The following TNRC6A variants were observed in gnomAD, a reference collection of about 807,000 sequenced individuals.
TNRC6A encodes trinucleotide repeat containing adaptor 6A.
A neutral mutation model predicts 221.2 loss-of-function variants in TNRC6A; 44 were observed. The ratio of observed to expected loss-of-function variants is 0.20; its 90% CI spans 0.16 to 0.26. The LOEUF is 0.26. Ranked by LOEUF, TNRC6A falls within the 10% of genes least tolerant of loss-of-function variation. TNRC6A has a pLI of 1.00. For missense variants in TNRC6A, 2,199 were observed against 2,404.4 expected, an observed-to-expected ratio of 0.91 and a Z score of 1.79; for synonymous variants, 847 against 838.5, an observed-to-expected ratio of 1.01 and a Z score of -0.18.
intron 1 of TNRC6A, among the ~76,000 whole-genome samples, chr16:24,627,344 CA>C (rs748713120): frequency 2.0e-5 from 3 of 152,072 alleles, no homozygotes; most frequent in Non-Finnish European, 2.9e-5. Flanking sequence ...CTTCCCCAAG[CA>C]AATTATTTAT....
At chr16:24,716,678 G>A (rs553351954) in intron 2 of TNRC6A, among the ~76,000 whole-genome samples, 18 of 152,066 alleles carry the variant, frequency 1.2e-4, no homozygotes, top group Non-Finnish European at 1.6e-4. Flanking sequence ...AGAAAAAAAA[G>A]TCTGGGCATG....
At chr16:24,707,716 A>G (rs66922154) in intron 2 of TNRC6A, among the ~76,000 whole-genome samples, 39,165 of 152,184 alleles carry the variant, frequency 0.26, 8,333 homozygotes, top group East Asian at 0.72. Context: ...ACTAGTGACT[A>G]AAGACATACA....
chr16:24,726,362 C>CA (rs58809989), upstream of TNRC6A, among the ~76,000 whole-genome samples: 13,108 of 134,480 alleles, frequency 0.097, 1,090 homozygotes, highest in African/African-American at 0.22. Flanking sequence ...CAAAAGATAC[C>CA]AAAAAAAAAA....
chr16:24,815,324 C>T lies in TNRC6A; in HGVS notation c.4831+19C>T. On this transcript the variant is annotated intron_variant, in intron 19 of 24. Transcript: ENST00000395799. ...CCACCAGGTAAAATTTTTTCTAACA[C>T]TTTCTTTCATGAGACTGTGTTTCCA... 6.2e-7 allele frequency: 1 copy of T among 1,613,288 alleles called. No individual in the cohort carries two copies. Among genetic ancestry groups the T allele is most frequent in the Non-Finnish European group, 8.5e-7 (1 of 1,179,428 alleles).
chr16:24,713,850 T>C (rs1222219777), intron 2 of TNRC6A, among the ~76,000 whole-genome samples: 3 of 152,210 alleles, frequency 2.0e-5, no homozygotes, highest in Non-Finnish European at 4.4e-5. Flanking sequence ...TTCGCCATGT[T>C]GGCCAGGCTG....
At chr16:24,814,674 A>C (rs538942205) in intron 18 of TNRC6A, among the ~76,000 whole-genome samples, 16 of 151,872 alleles carry the variant, frequency 1.1e-4, no homozygotes, top group Admixed American at 8.5e-4. Flanking sequence ...CAGCCTCCCA[A>C]AGTGCTGGGA....
intron 2 of TNRC6A, among the ~76,000 whole-genome samples, chr16:24,735,530 T>C (rs113460476): frequency 9.2e-5 from 14 of 152,352 alleles, no homozygotes; most frequent in African/African-American, 2.4e-4. Context: ...CAACCCAATA[T>C]GCTTTTTTTC....
intron 2 of TNRC6A, among the ~76,000 whole-genome samples, chr16:24,665,389 A>G (rs1476234818): frequency 6.6e-6 from 1 of 152,118 alleles, no homozygotes; most frequent in East Asian, 1.9e-4. Context: ...AAGAATTGGT[A>G]AATGGCCCCA....
At chr16:24,744,702 G>C (rs1329742206) in intron 2 of TNRC6A, among the ~76,000 whole-genome samples, 1 of 152,076 alleles carries the variant, frequency 6.6e-6, no homozygotes, top group African/African-American at 2.4e-5. Flanking sequence ...CCTTCCTAAG[G>C]GGAAGACATG....
At chr16:24,760,614 G>A (rs758467554) in intron 4 of TNRC6A, among the ~76,000 whole-genome samples, 1 of 152,028 alleles carries the variant, frequency 6.6e-6, no homozygotes, top group Non-Finnish European at 1.5e-5. Context: ...TTATTTCTGT[G>A]CTATGTATTT....
At chr16:24,767,826 A>G (rs1429608031) in intron 4 of TNRC6A, among the ~76,000 whole-genome samples, 1 of 152,174 alleles carries the variant, frequency 6.6e-6, no homozygotes, top group African/African-American at 2.4e-5. Context: ...ACTCAGTGGG[A>G]ACTAACTTCT....
At chr16:24,753,758 C>CTT (rs2057188394) in intron 3 of TNRC6A, among the ~76,000 whole-genome samples, 2 of 152,204 alleles carry the variant, frequency 1.3e-5, no homozygotes, top group African/African-American at 4.8e-5. Context: ...CACATAAACT[C>CTT]ACTACAGTAA....
In TNRC6A at chr16:24,729,839, C is replaced by T; in HGVS notation, c.-3C>T. On this transcript the variant is annotated 5_prime_UTR_variant, in exon 1 of 25. Coordinates refer to ENST00000395799, the MANE Select transcript of TNRC6A (RefSeq NM_014494.4). ...GCCCCACTTGCTCGTGCACTTTACA[C>T]ACATGAGGTGAGCGGAACAAGGGCC... 5.8e-6 allele frequency: 8 copies of T among 1,382,168 alleles called. No homozygotes were observed. Among genetic ancestry groups the T allele is most frequent in the Non-Finnish European group, 7.6e-6 (8 of 1,058,388 alleles). The allele number at this position is 1,382,168 out of a possible 1,614,324, so 85.6% of individuals were successfully genotyped here. A position where few individuals can be genotyped will look rare whatever the true frequency, so the allele number is the denominator to read the frequency against.
At chr16:24,663,133 G>A (rs545205373) in intron 2 of TNRC6A, 1 of 153,918 alleles carries the variant, frequency 6.5e-6, no homozygotes, top group South Asian at 2.1e-4. Flanking sequence ...GAGGGAGTGG[G>A]AAGATGTGTC....
At chr16:24,744,833 C>T (rs1412245103) in intron 2 of TNRC6A, among the ~76,000 whole-genome samples, 1 of 152,076 alleles carries the variant, frequency 6.6e-6, no homozygotes, top group African/African-American at 2.4e-5. Flanking sequence ...TACACGTCTC[C>T]AGAATTTCTT....
chr16:24,756,843 T>C (rs74016424), intron 3 of TNRC6A, among the ~76,000 whole-genome samples: 4,081 of 152,254 alleles, frequency 0.027, 169 homozygotes, highest in African/African-American at 0.091. Context: ...TTAGTTTCCA[T>C]TGGAAGTAAA....
chr16:24,620,076 A>C (rs1900585946), intron 1 of TNRC6A, among the ~76,000 whole-genome samples: 1 of 151,938 alleles, frequency 6.6e-6, no homozygotes, highest in Admixed American at 6.6e-5. Flanking sequence ...CGGGAATTTG[A>C]GGCTGCACTG....
At chr16:24,813,009 G>A (rs2058580859) in intron 18 of TNRC6A, among the ~76,000 whole-genome samples, 2 of 150,978 alleles carry the variant, frequency 1.3e-5, no homozygotes, top group Non-Finnish European at 2.9e-5. Flanking sequence ...CCGAGCAGCT[G>A]GGATTACAGG....
chr16:24,785,170 G>C (rs2057939871), intron 5 of TNRC6A, among the ~76,000 whole-genome samples: 1 of 152,172 alleles, frequency 6.6e-6, no homozygotes, highest in Non-Finnish European at 1.5e-5. Flanking sequence ...TGGCAATGCA[G>C]TGCTGTTCAA....
Sources: gnomAD v4.1 joint callset for allele counts (sites outside exome capture counted in the v4.1 genomes callset) on GRCh38, gnomAD v4.1.1 for gene constraint, MANE v1.5 for transcripts, NCBI Gene and HGNC (gene_info 2026-07-23, HGNC 2026-07-21) for gene names.